LUZP1: variants seen among roughly 807,000 people sequenced by gnomAD.
LUZP1 encodes leucine zipper protein 1, also known as filamin mechanobinding actin cross-linking protein.
LUZP1 carries 25 observed loss-of-function variants against 71.3 expected under a neutral mutation model. The observed-to-expected ratio is 0.35, with a 90% CI of 0.26 to 0.49. The LOEUF (loss-of-function observed/expected upper bound fraction) is 0.49. Among genes scored for constraint, LUZP1 ranks in the 20% least tolerant of loss-of-function variants. The pLI is 0.99. For missense variants in LUZP1, 1,142 were observed against 1,300.8 expected, an observed-to-expected ratio of 0.88 and a Z score of 1.88; for synonymous variants, 481 against 506.4, an observed-to-expected ratio of 0.95 and a Z score of 0.67.
At chr1:23,084,377 G>A (rs1466861510) in exon 5 of LUZP1, 1 of 152,026 alleles carries the variant, frequency 6.6e-6, no homozygotes, top group African/African-American at 2.4e-5. Flanking sequence ...CATAACTCCA[G>A]TTTCTGCTTC....
At chr1:23,139,068 G>A (rs1157916540) in intron 2 of LUZP1, among the ~76,000 whole-genome samples, 1 of 104,432 alleles carries the variant, frequency 9.6e-6, no homozygotes, top group Non-Finnish European at 1.8e-5. Flanking sequence ...TGTATATTTT[G>A]TATATATAAT....
chr1:23,177,198 A>G (rs1644587672), intron 1 of LUZP1, among the ~76,000 whole-genome samples: 1 of 152,172 alleles, frequency 6.6e-6, no homozygotes, highest in East Asian at 1.9e-4. Context: ...GCAGAGGGCT[A>G]TAATTCTTAA....
At chr1:23,096,870 G>A (rs1396054040) in intron 3 of LUZP1, among the ~76,000 whole-genome samples, 1 of 152,156 alleles carries the variant, frequency 6.6e-6, no homozygotes, top group African/African-American at 2.4e-5. Flanking sequence ...CTACTTGGGA[G>A]GCTGGGGCAC....
Position 23,093,854 on chromosome 1 carries a change from C to T in LUZP1, c.408G>A (p.Gln136=), listed in dbSNP as rs761641425. The T allele has an allele frequency of 1.9e-6, 3 of 1,614,070 alleles. No homozygotes were observed. The East Asian group carries it at 6.7e-5, about 36-fold the overall frequency. The change falls in exon 4 of 5, where the codon CAG becomes CAA. Residue 136 remains glutamine (Q), a synonymous_variant. Coordinates refer to ENST00000302291, the Ensembl canonical transcript of LUZP1. The surrounding 1 kb of genome is among the most constrained non-coding windows in gnomAD (Gnocchi z 4.2). ...TCTCCTCATTCAGGCTCAGACACAG[C>T]TGGGTACAGTCATTCTTACTCCTGC...
chr1:23,099,000 A>C (rs1281029622), intron 3 of LUZP1, among the ~76,000 whole-genome samples: 5 of 152,158 alleles, frequency 3.3e-5, no homozygotes, highest in Non-Finnish European at 5.9e-5. Context: ...GCCCACCCCG[A>C]ATACTGCTCC....
intron 2 of LUZP1, among the ~76,000 whole-genome samples, chr1:23,144,054 C>A (rs1644324965): frequency 6.6e-6 from 1 of 152,162 alleles, no homozygotes; most frequent in African/African-American, 2.4e-5. Flanking sequence ...TAGCCTCTTG[C>A]AAGGACAGGT....
At chr1:23,087,412 G>A (rs754575163) in exon 5 of LUZP1, 1 of 152,194 alleles carries the variant, frequency 6.6e-6, no homozygotes, top group Admixed American at 6.5e-5. Flanking sequence ...CAGATTTGGT[G>A]CCCTTAGAGA....
At chr1:23,096,059 G>A (rs1028020520) in intron 3 of LUZP1, among the ~76,000 whole-genome samples, 2 of 149,596 alleles carry the variant, frequency 1.3e-5, no homozygotes, top group African/African-American at 4.9e-5. Context: ...AAGAACCAAA[G>A]TTACTAAGAT....
chr1:23,089,378 T>A (rs1299510696), intron 4 of LUZP1, among the ~76,000 whole-genome samples: 1 of 151,710 alleles, frequency 6.6e-6, no homozygotes, highest in African/African-American at 2.4e-5. Flanking sequence ...GGGCCAGCAG[T>A]CTCCGAGTTC....
exon 4 of LUZP1, chr1:23,092,531 C>T (rs1569858930): frequency 6.2e-7 from 1 of 1,614,044 alleles, no homozygotes; most frequent in African/African-American, 1.3e-5. Context: ...CTTTAGAGAG[C>T]CCTTCTGAGG....
intron 3 of LUZP1, among the ~76,000 whole-genome samples, chr1:23,097,859 A>T (rs979118415): frequency 1.3e-5 from 2 of 152,160 alleles, no homozygotes; most frequent in African/African-American, 4.8e-5. Context: ...ATAAGCAGAT[A>T]GACAGATAGA....
At chr1:23,145,718 G>A (rs1334538720) in intron 2 of LUZP1, among the ~76,000 whole-genome samples, 1 of 152,010 alleles carries the variant, frequency 6.6e-6, no homozygotes, top group South Asian at 2.1e-4. Flanking sequence ...TGATCCACCC[G>A]CCTCAGCCTC....
chr1:23,141,385 A>G (rs1288320959), intron 2 of LUZP1, among the ~76,000 whole-genome samples: 2 of 152,132 alleles, frequency 1.3e-5, no homozygotes, highest in Non-Finnish European at 2.9e-5. Flanking sequence ...TGTTCAAGGG[A>G]CCCAAGAAGA....
At chr1:23,171,422 CTG>C (rs1353720243) in intron 1 of LUZP1, among the ~76,000 whole-genome samples, 1 of 152,180 alleles carries the variant, frequency 6.6e-6, no homozygotes, top group East Asian at 1.9e-4. Context: ...GTAGTTCTCT[CTG>C]AGAGTTCTTT....
At chr1:23,091,710 A>G (rs753893122) in exon 4 of LUZP1, 1 of 1,613,998 alleles carries the variant, frequency 6.2e-7, no homozygotes, top group Admixed American at 1.7e-5. Context: ...CTGCAGGGTG[A>G]TGTCATGTTT....
chr1:23,085,508 CAAA>C (rs1306115344), exon 5 of LUZP1: 5 of 152,488 alleles, frequency 3.3e-5, no homozygotes, highest in Non-Finnish European at 5.9e-5. Context: ...AGAGAAATAA[CAAA>C]ACCTCATAAC....
intron 2 of LUZP1, among the ~76,000 whole-genome samples, chr1:23,163,092 T>C (rs893374542): frequency 2.0e-5 from 3 of 151,390 alleles, no homozygotes; most frequent in Admixed American, 6.6e-5. Flanking sequence ...ATACAAAAAT[T>C]AGCTGGGTGT....
chr1:23,130,120 T>C (rs1644202774), intron 2 of LUZP1, among the ~76,000 whole-genome samples: 1 of 152,190 alleles, frequency 6.6e-6, no homozygotes, highest in African/African-American at 2.4e-5. Context: ...TGTTATAACT[T>C]TGCCCAGACA....
At chr1:23,126,585 A>G (rs1644173477) in intron 2 of LUZP1, among the ~76,000 whole-genome samples, 1 of 152,168 alleles carries the variant, frequency 6.6e-6, no homozygotes, top group African/African-American at 2.4e-5. Context: ...CACTACCACT[A>G]TATTCCTAGA....
Sources: allele counts gnomAD v4.1 joint callset (sites outside exome capture counted in the v4.1 genomes callset), GRCh38; gene constraint gnomAD v4.1.1; non-coding constraint Gnocchi (gnomAD v3.1); transcripts MANE v1.5; gene names NCBI Gene and HGNC (gene_info 2026-07-23, HGNC 2026-07-21).